Variants in EFCAB6 observed in about 807,000 individuals in gnomAD.
EFCAB6 encodes the protein EF-hand calcium binding domain 6.
Under a neutral mutation model 169.8 loss-of-function variants are expected in EFCAB6, and 156 were observed. That is an observed-to-expected ratio of 0.92 (90% CI 0.81 to 1.05). The LOEUF (loss-of-function observed/expected upper bound fraction) is 1.05, where lower values mean the gene tolerates loss of function less well. Ranked by LOEUF, EFCAB6 falls within the 50% of genes least tolerant of loss-of-function variation. The pLI, the probability that EFCAB6 is intolerant of heterozygous loss-of-function variation, is 0.00. For synonymous variants in EFCAB6, 698 were observed against 676.4 expected (o/e 1.03, Z -0.50); for missense variants, 1,800 against 1,829.1 (o/e 0.98, Z 0.29).
At chr22:43,742,609 A>C (rs558797013) in intron 6 of EFCAB6, among the ~76,000 whole-genome samples, 36 of 152,390 alleles carry the variant, frequency 2.4e-4, no homozygotes, top group African/African-American at 8.4e-4. Context: ...GCATGGTCCC[A>C]GAGAGTCTGG....
intron 21 of EFCAB6, among the ~76,000 whole-genome samples, chr22:43,608,886 T>C (rs1456674939): frequency 6.6e-6 from 1 of 152,058 alleles, no homozygotes; most frequent in African/African-American, 2.4e-5. Flanking sequence ...TCAAAAATGA[T>C]TAGAAATAAG....
At chr22:43,779,211 T>C (rs1004181439) in intron 3 of EFCAB6, among the ~76,000 whole-genome samples, 1 of 152,200 alleles carries the variant, frequency 6.6e-6, no homozygotes, top group Non-Finnish European at 1.5e-5. Context: ...AAAAAAGAAC[T>C]CGTGACTATG....
chr22:43,677,656 A>T (rs932627435), intron 13 of EFCAB6, among the ~76,000 whole-genome samples: 2 of 152,124 alleles, frequency 1.3e-5, no homozygotes, highest in African/African-American at 4.8e-5. Context: ...GAGAGACTCC[A>T]TCTCAAGAAA....
At chr22:43,803,667 C>G (rs1350762761) in intron 2 of EFCAB6, among the ~76,000 whole-genome samples, 2 of 151,892 alleles carry the variant, frequency 1.3e-5, no homozygotes, top group Non-Finnish European at 1.5e-5. Flanking sequence ...TCACAAAGAC[C>G]TGAAGTTAAA....
chr22:43,543,645 C>A (rs2047876808), intron 27 of EFCAB6, among the ~76,000 whole-genome samples: 1 of 152,148 alleles, frequency 6.6e-6, no homozygotes, highest in African/African-American at 2.4e-5. Context: ...AGGGGATGAG[C>A]CCAATAGCCG....
intron 2 of EFCAB6, among the ~76,000 whole-genome samples, chr22:43,788,360 A>G (rs1428087821): frequency 1.3e-5 from 2 of 152,210 alleles, no homozygotes; most frequent in Non-Finnish European, 2.9e-5. Flanking sequence ...TGCAGAATAT[A>G]TTAGGAACTC....
At chr22:43,690,726 A>G (rs1350713701) in intron 10 of EFCAB6, among the ~76,000 whole-genome samples, 1 of 151,610 alleles carries the variant, frequency 6.6e-6, no homozygotes, top group Non-Finnish European at 1.5e-5. Context: ...CCGTTCTTCC[A>G]AAGAGCTGTA....
At chr22:43,588,699 A>C (rs1346815514) in intron 24 of EFCAB6, among the ~76,000 whole-genome samples, 3 of 152,214 alleles carry the variant, frequency 2.0e-5, no homozygotes, top group African/African-American at 7.2e-5. Flanking sequence ...GAAAAGGGCA[A>C]TCTTCAAGAA....
chr22:43,540,659 T>G, intron 27 of EFCAB6: 1 of 917,746 alleles, frequency 1.1e-6, no homozygotes, highest in South Asian at 1.7e-5. Flanking sequence ...TCACAGTGCC[T>G]GAGCTGCAGT....
rs545626672 is a variant in EFCAB6 at position 43,598,866 on chromosome 22, G to A, written c.2876+1203C>T. On this transcript the variant is annotated intron_variant, in intron 23 of 31. Coordinates refer to ENST00000262726, the MANE Select transcript of EFCAB6 (RefSeq NM_022785.4). ...AAATGTTTGAGATGATGGATATACC[G>A]ATTACCCTGATTTGATCATTACACA... Among the ~76,000 whole-genome samples, 3 of 152,220 alleles carry A rather than the reference G, an allele frequency of 2.0e-5. No homozygotes were observed. The East Asian group carries it at 5.8e-4, about 29-fold the overall frequency.
chr22:43,710,567 C>G (rs896768622), intron 10 of EFCAB6, among the ~76,000 whole-genome samples: 5 of 152,172 alleles, frequency 3.3e-5, no homozygotes, highest in Admixed American at 3.3e-4. Context: ...CTTATATTAA[C>G]TGTGTCTTGT....
intron 23 of EFCAB6, among the ~76,000 whole-genome samples, chr22:43,598,038 G>A (rs138131879): frequency 2.8e-4 from 43 of 152,264 alleles, no homozygotes; most frequent in African/African-American, 9.6e-4. Context: ...TCAGCTGGGC[G>A]CAGTGGCTCA....
chr22:43,767,502 G>T (rs1225632113), intron 4 of EFCAB6, among the ~76,000 whole-genome samples: 1 of 152,222 alleles, frequency 6.6e-6, no homozygotes, highest in Non-Finnish European at 1.5e-5. Flanking sequence ...ATGAGGAAGA[G>T]AAGAAACTTA....
intron 26 of EFCAB6, among the ~76,000 whole-genome samples, chr22:43,566,033 C>T (rs2049401598): frequency 6.7e-6 from 1 of 149,730 alleles, no homozygotes. Flanking sequence ...AAAGATAAAA[C>T]ATTAAAAAAT....
At chr22:43,571,366 T>G (rs1269238622) in intron 26 of EFCAB6, among the ~76,000 whole-genome samples, 1 of 152,212 alleles carries the variant, frequency 6.6e-6, no homozygotes. Context: ...CCGACTGTCT[T>G]AATTACATTT....
intron 6 of EFCAB6, among the ~76,000 whole-genome samples, chr22:43,753,279 A>G (rs1019219436): frequency 2.0e-5 from 3 of 152,194 alleles, no homozygotes; most frequent in Non-Finnish European, 2.9e-5. Flanking sequence ...AGCCACATGA[A>G]AGCAGAGGGT....
At chr22:43,577,442 T>C (rs1204608384) in intron 25 of EFCAB6, among the ~76,000 whole-genome samples, 3 of 152,208 alleles carry the variant, frequency 2.0e-5, no homozygotes, top group African/African-American at 4.8e-5. Context: ...CACATTTTCA[T>C]GTAGTTCATG....
In EFCAB6 at chr22:43,642,090, C is replaced by T. The variant is rs139877330; in HGVS notation, c.1984-6874G>A. Among the ~76,000 whole-genome samples the T allele has an allele frequency of 3.6e-3, 552 of 152,094 alleles. 1 individual carries two copies. The highest frequency in any genetic ancestry group is 0.012 in the African/African-American group (511 of 41,482). ...CTGAGTAGCTGGGATTACAGGCATG[C>T]GACACCACACCCGGCTAATTTTATA... On this transcript the variant is annotated intron_variant, in intron 17 of 31. Transcript: ENST00000262726.
intron 24 of EFCAB6, among the ~76,000 whole-genome samples, chr22:43,588,760 A>G (rs943810200): frequency 1.3e-5 from 2 of 152,218 alleles, no homozygotes; most frequent in Admixed American, 1.3e-4. Flanking sequence ...GAAAGAGATT[A>G]AATTGGGGAT....
Sources: gnomAD v4.1 joint callset for allele counts (sites outside exome capture counted in the v4.1 genomes callset) on GRCh38, gnomAD v4.1.1 for gene constraint, MANE v1.5 for transcripts, NCBI Gene and HGNC (gene_info 2026-07-23, HGNC 2026-07-21) for gene names.